The following ALDH2 variants were observed in gnomAD, a reference collection of about 807,000 sequenced individuals.
The protein encoded by ALDH2 is aldehyde dehydrogenase 2 family member, also known as aldehyde dehydrogenase, mitochondrial.
Under a neutral mutation model 59.6 loss-of-function variants are expected in ALDH2, and 44 were observed. That is an observed-to-expected ratio of 0.74 (90% CI 0.58 to 0.95). ALDH2 has a LOEUF of 0.95. ALDH2 is among the 40% of genes least tolerant of loss of function. The pLI is 0.00. For synonymous variants in ALDH2, 291 were observed against 284.0 expected (o/e 1.02, Z -0.25); for missense variants, 570 against 696.3 (o/e 0.82, Z 2.04).
intron 11 of ALDH2, among the ~76,000 whole-genome samples, chr12:111,802,748 CGG>C (rs1566195074): frequency 2.2e-5 from 3 of 135,772 alleles, no homozygotes; most frequent in African/African-American, 5.6e-5. Context: ...GGTGTGGTGG[CGG>C]GCACCTGTAG....
At position 111,815,788 on chromosome 12, in the gene ALDH2, T is replaced by A. The variant is rs1320671214; in HGVS notation, c.*6213T>A. ...CCATGCATATATATATATATTTTTT[T>A]TTTTTTTTGAGAGAGAGAGAGAGAG... is the stretch of plus-strand genomic sequence containing the variant. On this transcript the variant is annotated 3_prime_UTR_variant, in exon 13 of 13. Coordinates refer to ENST00000261733, the MANE Select transcript of ALDH2 (RefSeq NM_000690.4). 1 of 146,342 alleles carries A rather than the reference T, an allele frequency of 6.8e-6. No individual in the cohort carries two copies. Among genetic ancestry groups the A allele is most frequent in the Non-Finnish European group, 1.5e-5 (1 of 67,270 alleles). 9.1% of individuals were successfully genotyped at this position (146,342 alleles called of 1,614,324 possible).
At chr12:111,804,071 C>G in intron 12 of ALDH2, 98 bp downstream of exon 12, 90 of 454,208 alleles carry the variant, frequency 2.0e-4, no homozygotes, top group East Asian at 3.4e-4. Context: ...GTTGGGGGCT[C>G]GGGGCCTGCC....
chr12:111,767,908 A>G (rs1358441497), intron 1 of ALDH2, among the ~76,000 whole-genome samples: 1 of 152,184 alleles, frequency 6.6e-6, no homozygotes, highest in East Asian at 1.9e-4. Context: ...TTTTTCTCCT[A>G]TAAATGGAAA....
chr12:111,789,760 G>A, intron 4 of ALDH2, 63 bp from the exon 5 acceptor site: 2 of 1,398,828 alleles, frequency 1.4e-6, no homozygotes, highest in Non-Finnish European at 1.0e-6. Flanking sequence ...TTCTCTTTCT[G>A]CCAGGGTTTG....
intron 4 of ALDH2, 63 bp from the exon 5 acceptor site, chr12:111,789,760 G>T (rs2068341804): frequency 7.1e-7 from 1 of 1,398,708 alleles, no homozygotes; most frequent in Admixed American, 1.8e-5. Context: ...TTCTCTTTCT[G>T]CCAGGGTTTG....
chr12:111,790,167 A>C (rs1056328713), intron 5 of ALDH2, among the ~76,000 whole-genome samples: 2 of 152,238 alleles, frequency 1.3e-5, no homozygotes, highest in Non-Finnish European at 2.9e-5. Flanking sequence ...AAAAGTGGAA[A>C]TGAACATAGT....
intron 1 of ALDH2, among the ~76,000 whole-genome samples, 159 bp downstream of exon 1, chr12:111,767,255 C>T (rs1190117159): frequency 6.6e-6 from 1 of 152,190 alleles, no homozygotes; most frequent in Non-Finnish European, 1.5e-5. Context: ...TCCTCTCCTG[C>T]AAGCATTTTA....
intron 1 of ALDH2, among the ~76,000 whole-genome samples, chr12:111,768,426 A>C (rs1463538112): frequency 6.6e-6 from 1 of 152,240 alleles, no homozygotes; most frequent in East Asian, 1.9e-4. Context: ...GGTCATTTGC[A>C]AGGGAATTTT....
At chr12:111,785,709 GTGAGAC>G (rs2068304351) in intron 4 of ALDH2, among the ~76,000 whole-genome samples, 1 of 152,178 alleles carries the variant, frequency 6.6e-6, no homozygotes, top group Non-Finnish European at 1.5e-5. Flanking sequence ...AGGTGACAGA[GTGAGAC>G]TCTGTCTCAA....
intron 1 of ALDH2, among the ~76,000 whole-genome samples, chr12:111,771,666 A>T (rs2136006583): frequency 6.6e-6 from 1 of 152,348 alleles, no homozygotes; most frequent in East Asian, 1.9e-4. Flanking sequence ...ATGTAGATAG[A>T]CAGATCTCCA....
At chr12:111,767,865 C>T (rs1017352901) in intron 1 of ALDH2, among the ~76,000 whole-genome samples, 6 of 152,138 alleles carry the variant, frequency 3.9e-5, no homozygotes, top group African/African-American at 1.4e-4. Flanking sequence ...TTGTTTGTGC[C>T]AGTGCATGTT....
In ALDH2 at chr12:111,803,931, G is replaced by A. The variant is rs755207315; in HGVS notation, c.1479G>A (p.Glu493=). 1.9e-6 allele frequency: 3 copies of A among 1,613,078 alleles called. No homozygotes were observed. Among genetic ancestry groups the A allele is most frequent in the South Asian group, 1.1e-5 (1 of 90,900 alleles). ...GGYKMSGSGR[E]LGEYGLQAYT... is the part of the protein sequence containing the mutation. ...ACAAGATGTCGGGGAGTGGCCGGGA[G>A]TTGGGCGAGTACGGGCTGCAGGCAT... Residue 493 remains glutamate (E), a synonymous_variant, in exon 12 of 13, where the codon GAG becomes GAA. Coordinates refer to ENST00000261733, the MANE Select transcript of ALDH2 (RefSeq NM_000690.4).
At chr12:111,808,653 C>T (rs148410674) in intron 12 of ALDH2, among the ~76,000 whole-genome samples, 2,331 of 151,906 alleles carry the variant, frequency 0.015, 68 homozygotes, top group African/African-American at 0.053. Flanking sequence ...TGCAGTGAGC[C>T]GAGATTGCGC....
chr12:111,769,538 AAG>A (rs143486935), intron 1 of ALDH2, among the ~76,000 whole-genome samples: 149 of 148,750 alleles, frequency 1.0e-3, no homozygotes, highest in Admixed American at 1.0e-3. Context: ...TGCCTGCAGC[AAG>A]AGAGAGAGAG....
At chr12:111,799,721 G>T in intron 10 of ALDH2, 185 bp from the exon 11 acceptor site, 1 of 586,562 alleles carries the variant, frequency 1.7e-6, no homozygotes, top group Non-Finnish European at 2.8e-6. Flanking sequence ...GGAGGAAGTT[G>T]GCCCCTGTTA....
At chr12:111,776,172 C>T (rs2068233166) in intron 1 of ALDH2, among the ~76,000 whole-genome samples, 1 of 152,184 alleles carries the variant, frequency 6.6e-6, no homozygotes. Context: ...CTCTCCCCTT[C>T]CTACTTCCTG....
At chr12:111,779,913 C>T (rs949598703) in intron 1 of ALDH2, among the ~76,000 whole-genome samples, 12 of 152,258 alleles carry the variant, frequency 7.9e-5, no homozygotes, top group South Asian at 4.2e-4. Flanking sequence ...TTTTTTGAGA[C>T]GGAGTTTCAC....
intron 1 of ALDH2, among the ~76,000 whole-genome samples, chr12:111,768,335 T>C (rs934634484): frequency 3.3e-5 from 5 of 152,352 alleles, no homozygotes; most frequent in Middle Eastern, 3.4e-3. Context: ...CACCTGCTGG[T>C]CTGGCCCTGA....
intron 12 of ALDH2, among the ~76,000 whole-genome samples, chr12:111,805,188 A>C (rs1224045237): frequency 1.3e-5 from 2 of 152,214 alleles, no homozygotes; most frequent in Non-Finnish European, 2.9e-5. Context: ...ATGTACATAG[A>C]TAGATACTCA....
Sources: allele counts gnomAD v4.1 joint callset (sites outside exome capture counted in the v4.1 genomes callset), GRCh38; gene constraint gnomAD v4.1.1; transcripts MANE v1.5; gene names NCBI Gene and HGNC (gene_info 2026-07-23, HGNC 2026-07-21).